Variants in LIPC observed in about 807,000 individuals in gnomAD.
LIPC encodes lipase C, hepatic type, also known as hepatic triacylglycerol lipase.
LIPC carries 44 observed loss-of-function variants against 50.7 expected under a neutral mutation model. The observed-to-expected ratio is 0.87, with a 90% CI of 0.68 to 1.11. The LOEUF (loss-of-function observed/expected upper bound fraction) is 1.11, where lower values mean the gene tolerates loss of function less well. Among genes scored for constraint, LIPC ranks in the 50% most tolerant of loss-of-function variants. LIPC has a pLI of 0.00. For missense variants in LIPC, 697 were observed against 648.2 expected, an observed-to-expected ratio of 1.08 and a Z score of -0.82; for synonymous variants, 271 against 256.4, an observed-to-expected ratio of 1.06 and a Z score of -0.54.
intron 6 of LIPC, among the ~76,000 whole-genome samples, chr15:58,556,810 T>A (rs6494018): frequency 6.6e-6 from 1 of 152,052 alleles, no homozygotes; most frequent in African/African-American, 2.4e-5. Context: ...GACAAGTTAC[T>A]TAACTTTTTC....
intron 1 of LIPC, among the ~76,000 whole-genome samples, chr15:58,469,690 C>G (rs1482252351): frequency 6.6e-6 from 1 of 152,200 alleles, no homozygotes; most frequent in Non-Finnish European, 1.5e-5. Flanking sequence ...CAGCCCAGAG[C>G]AGAGAAACAC....
Position 58,510,992 on chromosome 15 carries a change from C to T in LIPC, c.89-27341C>T, listed in dbSNP as rs1396909250. ...CGTCTCATTTCAGCATCTCAACAACCGCACCTGGAAGGCCTTATTATTTTG... is the reference window on the plus strand; with the variant it reads ...CGTCTCATTTCAGCATCTCAACAACTGCACCTGGAAGGCCTTATTATTTTG... On this transcript the variant is annotated intron_variant, in intron 1 of 8. Transcript: ENST00000299022. 2.6e-5 allele frequency among the ~76,000 whole-genome samples: 4 copies of T among 152,166 alleles called. No individual in the cohort carries two copies. The East Asian group carries it at 5.8e-4, about 22-fold the overall frequency.
chr15:58,453,695 G>A (rs960656151), intron 1 of LIPC, among the ~76,000 whole-genome samples: 2 of 151,792 alleles, frequency 1.3e-5, no homozygotes, highest in African/African-American at 2.4e-5. Context: ...GACCCCATGA[G>A]GTCAAGACCA....
At chr15:58,562,808 C>CCA (rs1329946027) in intron 7 of LIPC, among the ~76,000 whole-genome samples, 1 of 151,338 alleles carries the variant, frequency 6.6e-6, no homozygotes, top group Admixed American at 6.6e-5. Context: ...ACAAGGGACC[C>CCA]CCCCCCAACC....
intron 1 of LIPC, among the ~76,000 whole-genome samples, chr15:58,519,304 G>C (rs1015771711): frequency 1.3e-5 from 2 of 151,872 alleles, no homozygotes; most frequent in East Asian, 1.9e-4. Flanking sequence ...CCAGCTACTC[G>C]GGAGGCCAAA....
chr15:58,566,721 A>C (rs748991111), intron 8 of LIPC, among the ~76,000 whole-genome samples: 1 of 152,196 alleles, frequency 6.6e-6, no homozygotes, highest in Admixed American at 6.5e-5. Flanking sequence ...TTGGCCCTAC[A>C]GCAAGACCAA....
intron 1 of LIPC, among the ~76,000 whole-genome samples, chr15:58,487,991 G>T (rs990470373): frequency 2.6e-5 from 4 of 152,222 alleles, no homozygotes; most frequent in Non-Finnish European, 5.9e-5. Context: ...TAAGGAAGTG[G>T]CCAGGCACGG....
At chr15:58,459,472 A>T (rs1417237324) in intron 1 of LIPC, among the ~76,000 whole-genome samples, 1 of 151,794 alleles carries the variant, frequency 6.6e-6, no homozygotes, top group Non-Finnish European at 1.5e-5. Flanking sequence ...AAAAGTTCAT[A>T]AAAAAGTCTC....
At chr15:58,439,249 C>T (rs1164979995) in intron 1 of LIPC, among the ~76,000 whole-genome samples, 16 of 152,124 alleles carry the variant, frequency 1.1e-4, no homozygotes, top group Admixed American at 6.5e-4. Flanking sequence ...TTTATACGTC[C>T]GTTGAGTTTG....
At position 58,442,447 on chromosome 15, in the gene LIPC, G is replaced by A. The variant is rs116233575; in HGVS notation, c.88+10327G>A. ...ATGACCCTTATGCCATTTCTTGCCC[G>A]GAACTGTTTTATTCAGGGCCTGACA... On this transcript the variant is annotated intron_variant, in intron 1 of 8. Transcript: ENST00000299022. Among the ~76,000 whole-genome samples the A allele has an allele frequency of 9.5e-3, 1,452 of 152,260 alleles. 26 individuals carry two copies. The highest frequency in any genetic ancestry group is 0.032 in the African/African-American group (1,338 of 41,524).
chr15:58,565,426 G>A, intron 8 of LIPC: 2 of 1,432,848 alleles, frequency 1.4e-6, no homozygotes, highest in South Asian at 1.5e-5. Context: ...CACCCATGTG[G>A]TACGGAAGAA....
In LIPC at chr15:58,460,350, G is replaced by A. The variant is rs139190603; in HGVS notation, c.88+28230G>A. Among the ~76,000 whole-genome samples, 247 of 152,362 alleles carry A rather than the reference G, an allele frequency of 1.6e-3. 2 individuals carry two copies. Among genetic ancestry groups the A allele is most frequent in the African/African-American group, 5.5e-3 (228 of 41,588 alleles). On this transcript the variant is annotated intron_variant, in intron 1 of 8. Transcript: ENST00000299022. ...CATGGTGAGAGGAAAGGCTGGGGCC[G>A]ACTTGGGATGTGGATGTGCAAAAGG...
At chr15:58,556,363 A>C (rs761211741) in intron 6 of LIPC, among the ~76,000 whole-genome samples, 2 of 152,248 alleles carry the variant, frequency 1.3e-5, no homozygotes, top group Non-Finnish European at 2.9e-5. Flanking sequence ...GAGACAAGGC[A>C]GAGGCCACAA....
intron 6 of LIPC, among the ~76,000 whole-genome samples, chr15:58,552,279 GAC>G (rs143861207): frequency 0.017 from 2,574 of 152,310 alleles, 35 homozygotes; most frequent in Admixed American, 0.024. Context: ...GACAGGGAGA[GAC>G]ACACGCACAC....
chr15:58,483,869 C>G (rs1352363092), intron 1 of LIPC, among the ~76,000 whole-genome samples: 2 of 152,146 alleles, frequency 1.3e-5, no homozygotes, highest in Non-Finnish European at 2.9e-5. Context: ...AATCAAATAT[C>G]TTAATTCCCT....
At chr15:58,455,853 T>C (rs373227137) in intron 1 of LIPC, among the ~76,000 whole-genome samples, 2 of 152,220 alleles carry the variant, frequency 1.3e-5, no homozygotes, top group East Asian at 1.9e-4. Context: ...GAATATATTT[T>C]CTTCCAGAGA....
At chr15:58,482,166 G>A (rs1427902685) in intron 1 of LIPC, among the ~76,000 whole-genome samples, 1 of 152,160 alleles carries the variant, frequency 6.6e-6, no homozygotes, top group African/African-American at 2.4e-5. Flanking sequence ...GGTACAAAAT[G>A]GTACATGGTA....
At chr15:58,468,863 T>G (rs768764608) in intron 1 of LIPC, among the ~76,000 whole-genome samples, 1 of 152,208 alleles carries the variant, frequency 6.6e-6, no homozygotes, top group Non-Finnish European at 1.5e-5. Flanking sequence ...GTCCAGTAAA[T>G]TGGCTCCTTT....
chr15:58,435,373 C>G (rs1893258854), intron 1 of LIPC: 1 of 152,156 alleles, frequency 6.6e-6, no homozygotes, highest in Admixed American at 6.5e-5. Context: ...AGGCGATCTC[C>G]CTGGGGCCTT....
Sources: gnomAD v4.1 joint callset for allele counts (sites outside exome capture counted in the v4.1 genomes callset) on GRCh38, gnomAD v4.1.1 for gene constraint, MANE v1.5 for transcripts, NCBI Gene and HGNC (gene_info 2026-07-23, HGNC 2026-07-21) for gene names.